AGBL4: variants seen among roughly 807,000 people sequenced by gnomAD.
AGBL4 encodes the protein AGBL carboxypeptidase 4.
In AGBL4, 58 loss-of-function variants were observed where a neutral mutation model predicts 66.4. The ratio of observed to expected loss-of-function variants is 0.87; its 90% CI spans 0.71 to 1.09. The LOEUF (loss-of-function observed/expected upper bound fraction) is 1.09. Ranked by LOEUF, AGBL4 falls within the 50% of genes least tolerant of loss-of-function variation. AGBL4 has a pLI of 0.00. For missense variants in AGBL4, 579 were observed against 631.0 expected (o/e 0.92, Z 0.88); for synonymous variants, 234 against 222.9 (o/e 1.05, Z -0.44).
intron 1 of AGBL4, among the ~76,000 whole-genome samples, chr1:49,957,596 C>T (rs1235204466): frequency 2.0e-5 from 3 of 151,828 alleles, no homozygotes. Context: ...TTGAATTGAT[C>T]CCTTTACCAT....
At chr1:48,592,799 G>A (rs1644938379) in intron 9 of AGBL4, among the ~76,000 whole-genome samples, 1 of 152,032 alleles carries the variant, frequency 6.6e-6, no homozygotes, top group African/African-American at 2.4e-5. Context: ...CTTAAGGTTG[G>A]CCAGCAAGTT....
At position 48,603,188 on chromosome 1, in the gene AGBL4, G is replaced by A. The variant is rs1440211879; in HGVS notation, c.952-12203C>T. On this transcript the variant is annotated intron_variant, in intron 9 of 13. Coordinates refer to ENST00000371839, the MANE Select transcript of AGBL4 (RefSeq NM_032785.4). ...TAGCCCATTGAGGGAACAATACATTGGGGCCCAGCGCAGTGGCTCATGCCT... is the reference window on the plus strand; with the variant it reads ...TAGCCCATTGAGGGAACAATACATTAGGGCCCAGCGCAGTGGCTCATGCCT... 2.6e-5 allele frequency among the ~76,000 whole-genome samples: 4 copies of A among 152,180 alleles called. No homozygotes were observed. The East Asian group carries it at 7.7e-4, about 29-fold the overall frequency.
intron 6 of AGBL4, among the ~76,000 whole-genome samples, chr1:48,729,259 G>C (rs1180790605): frequency 6.6e-6 from 1 of 152,164 alleles, no homozygotes; most frequent in East Asian, 1.9e-4. Context: ...TGGCACAGTG[G>C]CAAACTTAAG....
chr1:49,152,218 T>C (rs1173009634), intron 4 of AGBL4, among the ~76,000 whole-genome samples: 1 of 152,178 alleles, frequency 6.6e-6, no homozygotes, highest in Non-Finnish European at 1.5e-5. Context: ...CTAACCACTA[T>C]GCTATGAGCA....
chr1:48,714,840 A>G (rs1315975979), intron 6 of AGBL4, among the ~76,000 whole-genome samples: 1 of 152,188 alleles, frequency 6.6e-6, no homozygotes, highest in African/African-American at 2.4e-5. Context: ...AAGCTCTCAT[A>G]TTGCTGAAGG....
chr1:49,451,058 G>A (rs1453010756), intron 3 of AGBL4, among the ~76,000 whole-genome samples: 1 of 152,016 alleles, frequency 6.6e-6, no homozygotes, highest in Non-Finnish European at 1.5e-5. Flanking sequence ...CTGCTTCCAA[G>A]CACATTCTTG....
chr1:49,313,365 T>A (rs1287223826), intron 3 of AGBL4, among the ~76,000 whole-genome samples: 1 of 152,174 alleles, frequency 6.6e-6, no homozygotes, highest in Non-Finnish European at 1.5e-5. Context: ...AGTAGAATGA[T>A]TTATAATCCT....
chr1:48,988,171 T>TA (rs374002274), intron 5 of AGBL4, among the ~76,000 whole-genome samples: 1 of 152,128 alleles, frequency 6.6e-6, no homozygotes, highest in African/African-American at 2.4e-5. Flanking sequence ...TCTACCGTTC[T>TA]AAAAAAATTA....
At chr1:49,288,364 T>TA (rs759631339) in intron 3 of AGBL4, among the ~76,000 whole-genome samples, 5,562 of 132,656 alleles carry the variant, frequency 0.042, 180 homozygotes, top group African/African-American at 0.1. Context: ...TAAAGTATAA[T>TA]AAAAAAAAAA....
intron 3 of AGBL4, among the ~76,000 whole-genome samples, chr1:49,595,158 G>A (rs990046745): frequency 6.6e-6 from 1 of 151,874 alleles, no homozygotes; most frequent in Non-Finnish European, 1.5e-5. Flanking sequence ...GCACGATCTC[G>A]GCCCACTGCA....
chr1:48,913,257 T>C (rs7531860), intron 5 of AGBL4, among the ~76,000 whole-genome samples: 12,380 of 152,062 alleles, frequency 0.081, 682 homozygotes, highest in East Asian at 0.16. Flanking sequence ...GGAAAGGACA[T>C]TTTTGGAAGA....
At chr1:50,016,483 A>G (rs1414658744) in intron 1 of AGBL4, among the ~76,000 whole-genome samples, 1 of 152,166 alleles carries the variant, frequency 6.6e-6, no homozygotes, top group Non-Finnish European at 1.5e-5. Context: ...AATCACTTGA[A>G]CCCAGGAGGC....
At chr1:49,741,048 T>C (rs993967646) in intron 2 of AGBL4, among the ~76,000 whole-genome samples, 1 of 151,686 alleles carries the variant, frequency 6.6e-6, no homozygotes, top group African/African-American at 2.4e-5. Flanking sequence ...ATAACTACGA[T>C]CAGAGCAGAA....
intron 6 of AGBL4, among the ~76,000 whole-genome samples, chr1:48,705,033 C>T (rs373494580): frequency 3.9e-5 from 6 of 152,078 alleles, no homozygotes; most frequent in Non-Finnish European, 7.4e-5. Context: ...TGTCACTAGG[C>T]GATGGGAATT....
intron 6 of AGBL4, among the ~76,000 whole-genome samples, chr1:48,670,307 A>G (rs1646256787): frequency 6.6e-6 from 1 of 152,198 alleles, no homozygotes; most frequent in Admixed American, 6.5e-5. Context: ...CACTATGAAG[A>G]AGAAGGGCAG....
chr1:49,351,721 G>A (rs1376266608), intron 3 of AGBL4, among the ~76,000 whole-genome samples: 1 of 152,018 alleles, frequency 6.6e-6, no homozygotes, highest in African/African-American at 2.4e-5. Context: ...CATGAGTTAT[G>A]GGTAGAAAAG....
chr1:48,607,228 A>G (rs74079422), intron 9 of AGBL4, among the ~76,000 whole-genome samples: 1 of 152,152 alleles, frequency 6.6e-6, no homozygotes, highest in Non-Finnish European at 1.5e-5. Context: ...AAATTAACTT[A>G]AAAAATATAG....
At chr1:49,555,393 A>G (rs1653348181) in intron 3 of AGBL4, among the ~76,000 whole-genome samples, 1 of 151,452 alleles carries the variant, frequency 6.6e-6, no homozygotes, top group South Asian at 2.1e-4. Context: ...TAGACACAAA[A>G]GTTCTCCAAG....
rs190088759 is a variant in AGBL4, at chr1:49,985,853, C to T, written c.34+37910G>A. 2.6e-4 allele frequency among the ~76,000 whole-genome samples: 39 copies of T among 152,128 alleles called. No homozygotes were observed. The East Asian group carries it at 7.5e-3, about 29-fold the overall frequency. ...AGTTGATCCTCACAAACATCATTTT[C>T]CCTATTTACAGATAAATACCTGAGG... On this transcript the variant is annotated intron_variant, in intron 1 of 13. Coordinates refer to ENST00000371839, the MANE Select transcript of AGBL4 (RefSeq NM_032785.4).
Sources: gnomAD v4.1 joint callset for allele counts (sites outside exome capture counted in the v4.1 genomes callset) on GRCh38, gnomAD v4.1.1 for gene constraint, MANE v1.5 for transcripts, NCBI Gene and HGNC (gene_info 2026-07-23, HGNC 2026-07-21) for gene names.